The following CPNE1 variants were observed in gnomAD, a reference collection of about 807,000 sequenced individuals.
CPNE1 encodes copine 1, also known as copine-1.
CPNE1 carries 58 observed loss-of-function variants against 63.2 expected under a neutral mutation model. The ratio of observed to expected loss-of-function variants is 0.92; its 90% CI spans 0.74 to 1.14. The LOEUF is 1.14. Ranked by LOEUF, CPNE1 falls within the 50% of genes most tolerant of loss-of-function variation. CPNE1 has a pLI of 0.00. For missense variants in CPNE1, 672 were observed against 661.7 expected, an observed-to-expected ratio of 1.02 and a Z score of -0.17; for synonymous variants, 237 against 249.0, an observed-to-expected ratio of 0.95 and a Z score of 0.45.
At chr20:35,643,656 T>C (rs896125251) in intron 1 of CPNE1, among the ~76,000 whole-genome samples, 4 of 152,010 alleles carry the variant, frequency 2.6e-5, no homozygotes, top group Non-Finnish European at 4.4e-5. Flanking sequence ...GGCAGGAGAA[T>C]TGCTTGAACC....
intron 1 of CPNE1, chr20:35,658,945 A>C (rs1485328325): frequency 1.4e-6 from 1 of 717,104 alleles, no homozygotes; most frequent in Non-Finnish European, 2.6e-6. Flanking sequence ...AAAACAAGAG[A>C]TGAATTTCCT....
At position 35,627,504 on chromosome 20, in the gene CPNE1, C is replaced by T. The variant is rs753246224; in HGVS notation, c.1103-91G>A. 1.5e-5 allele frequency: 20 copies of T among 1,336,442 alleles called. No individual in the cohort carries two copies. In the East Asian group the frequency reaches 2.2e-4, roughly 15 times the overall value. 82.8% of individuals were successfully genotyped at this position (1,336,442 alleles called of 1,614,324 possible). A position where few individuals can be genotyped will look rare whatever the true frequency, so the allele number is the denominator to read the frequency against. Reference sequence around the variant, plus strand: ...CACCCCATCCCAGCCCAGGAGATCTCGGAACCTGGGTGCATTTCATTCATT... The same window carrying T: ...CACCCCATCCCAGCCCAGGAGATCTTGGAACCTGGGTGCATTTCATTCATT... On this transcript the variant is annotated intron_variant, in intron 13 of 15. Coordinates refer to ENST00000397443, the MANE Select transcript of CPNE1 (RefSeq NM_152925.3).
Position 35,631,109 on chromosome 20 carries a change from C to G in CPNE1, c.861+5G>C. 6.2e-7 allele frequency: 1 copy of G among 1,614,172 alleles called. No individual in the cohort carries two copies. The highest frequency in any genetic ancestry group is 1.1e-5 in the South Asian group (1 of 91,082). On this transcript the variant is annotated splice_donor_5th_base_variant and intron_variant, in intron 10 of 15. Transcript: ENST00000397443. ...TGTTCTCTTGCCCTTGGTAAAGTAA[C>G]TTACAGTGAAGTTGATCTGACAGCC...
intron 1 of CPNE1, among the ~76,000 whole-genome samples, chr20:35,639,529 T>C (rs1400288335): frequency 6.6e-6 from 1 of 152,044 alleles, no homozygotes; most frequent in East Asian, 1.9e-4. Flanking sequence ...AGAGACAGGG[T>C]TTCACCATGT....
chr20:35,660,522 C>A (rs572136662), intron 1 of CPNE1, among the ~76,000 whole-genome samples: 8 of 152,034 alleles, frequency 5.3e-5, no homozygotes, highest in Non-Finnish European at 5.9e-5. Context: ...CCTGGCCTAG[C>A]CTAACTAAGT....
At position 35,632,540 on chromosome 20, in the gene CPNE1, C is replaced by A. The variant is rs574748992; in HGVS notation, c.286G>T (p.Gly96Cys). Residue 96 changes from glycine to cysteine, a missense_variant, in exon 3 of 16, where the codon GGT becomes TGT. Coordinates refer to ENST00000397443, the MANE Select transcript of CPNE1 (RefSeq NM_152925.3). ...ACCTGTCCTAGGGAACACTCAGCACCCCCTAGGAAGTCATCATCCCTCAGC... is the reference window on the plus strand; with the variant it reads ...ACCTGTCCTAGGGAACACTCAGCACACCCTAGGAAGTCATCATCCCTCAGC... ...PELRDDDFLG[G>C]AECSLGQIVS... The A allele has an allele frequency of 6.2e-7, 1 of 1,613,654 alleles. No individual in the cohort carries two copies. Among genetic ancestry groups the A allele is most frequent in the South Asian group, 1.1e-5 (1 of 91,076 alleles).
At chr20:35,661,628 T>C (rs947466791) in intron 1 of CPNE1, among the ~76,000 whole-genome samples, 19 of 152,324 alleles carry the variant, frequency 1.2e-4, no homozygotes, top group African/African-American at 4.1e-4. Flanking sequence ...ACCGGATGCA[T>C]GCACAAATCA....
chr20:35,631,624 G>A (rs2032147723), intron 7 of CPNE1, 46 bp from the exon 8 acceptor site: 3 of 1,606,886 alleles, frequency 1.9e-6, no homozygotes, highest in Non-Finnish European at 2.6e-6. Context: ...GGTGGCAGAT[G>A]AGAATAAGTC....
At chr20:35,660,158 T>C (rs1226976366) in intron 1 of CPNE1, among the ~76,000 whole-genome samples, 5 of 152,234 alleles carry the variant, frequency 3.3e-5, no homozygotes, top group Non-Finnish European at 7.3e-5. Flanking sequence ...ATCAAAAGTC[T>C]AGAGCATTGT....
intron 12 of CPNE1, 62 bp from the exon 13 acceptor site, chr20:35,630,552 C>A: frequency 6.3e-7 from 1 of 1,577,582 alleles, no homozygotes; most frequent in African/African-American, 1.3e-5. Context: ...TGAAAAAGGA[C>A]ACTGGCGTGT....
intron 1 of CPNE1, among the ~76,000 whole-genome samples, chr20:35,643,820 A>G (rs1248497553): frequency 1.3e-5 from 2 of 152,142 alleles, no homozygotes; most frequent in Non-Finnish European, 2.9e-5. Flanking sequence ...CCAATAGGTA[A>G]GGGCCCTCCA....
At chr20:35,637,573 T>G (rs2032558188) in intron 1 of CPNE1, among the ~76,000 whole-genome samples, 1 of 150,512 alleles carries the variant, frequency 6.6e-6, no homozygotes, top group African/African-American at 2.5e-5. Flanking sequence ...CATTATTCCT[T>G]TATGAACCCT....
intron 1 of CPNE1, among the ~76,000 whole-genome samples, chr20:35,640,608 TA>T (rs1156405001): frequency 6.6e-6 from 1 of 152,206 alleles, no homozygotes; most frequent in Non-Finnish European, 1.5e-5. Flanking sequence ...TCCCTGACTC[TA>T]ATCCAACAAA....
At position 35,632,036 on chromosome 20, in the gene CPNE1, G is replaced by A. The variant is rs376626465; in HGVS notation, c.457-11C>T. 67 of 1,613,526 alleles carry A rather than the reference G, an allele frequency of 4.2e-5. No homozygotes were observed. Among genetic ancestry groups the A allele is most frequent in the Non-Finnish European group, 5.6e-5 (66 of 1,179,692 alleles). The stretch of plus-strand genomic sequence containing the variant: ...TTTTCCCAGGAAGTCCTGCCAATGC[G>A]AGACCCCAGTTACAAGACTCAGGAA... On this transcript the variant is annotated splice_polypyrimidine_tract_variant and intron_variant, in intron 5 of 15. Coordinates refer to ENST00000397443, the MANE Select transcript of CPNE1 (RefSeq NM_152925.3).
At chr20:35,658,841 T>C (rs2034066406) in intron 1 of CPNE1, 2 of 644,720 alleles carry the variant, frequency 3.1e-6, no homozygotes, top group Non-Finnish European at 5.7e-6. Flanking sequence ...ACACACACAA[T>C]ATAGTTGCTA....
chr20:35,638,717 A>G (rs1568919259), intron 1 of CPNE1, among the ~76,000 whole-genome samples: 1 of 152,260 alleles, frequency 6.6e-6, no homozygotes, highest in Non-Finnish European at 1.5e-5. Flanking sequence ...TTTATTCACA[A>G]TAGCCAAAAA....
At chr20:35,639,789 C>CA (rs574518166) in intron 1 of CPNE1, among the ~76,000 whole-genome samples, 411 of 152,350 alleles carry the variant, frequency 2.7e-3, no homozygotes, top group African/African-American at 9.2e-3. Flanking sequence ...CAAATGTCCC[C>CA]AAAAGAGATG....
At chr20:35,627,456 C>T in intron 13 of CPNE1, 43 bp from the exon 14 acceptor site, 2 of 1,604,980 alleles carry the variant, frequency 1.2e-6, no homozygotes, top group Non-Finnish European at 1.7e-6. Flanking sequence ...CTGGACCTCT[C>T]AGGACTACAC....
chr20:35,644,485 C>G (rs2146316266), intron 1 of CPNE1, among the ~76,000 whole-genome samples: 1 of 152,294 alleles, frequency 6.6e-6, no homozygotes, highest in South Asian at 2.1e-4. Context: ...TACAGATTTC[C>G]AGAAACCGAA....
Sources: gnomAD v4.1 joint callset for allele counts (sites outside exome capture counted in the v4.1 genomes callset) on GRCh38, gnomAD v4.1.1 for gene constraint, MANE v1.5 for transcripts, NCBI Gene and HGNC (gene_info 2026-07-23, HGNC 2026-07-21) for gene names.